Variants in TPD52L1 observed in about 807,000 individuals in gnomAD.
TPD52L1 encodes the protein tumor protein D53.
In TPD52L1, 18 loss-of-function variants were observed where a neutral mutation model predicts 28.7. That is an observed-to-expected ratio of 0.63 (90% CI 0.43 to 0.93). The LOEUF (loss-of-function observed/expected upper bound fraction) is 0.93, where lower values mean the gene tolerates loss of function less well. Among genes scored for constraint, TPD52L1 ranks in the 40% least tolerant of loss-of-function variants. The pLI, the probability that TPD52L1 is intolerant of heterozygous loss-of-function variation, is 0.00. For missense variants in TPD52L1, 203 were observed against 254.8 expected (o/e 0.80, Z 1.39); for synonymous variants, 75 against 88.8 (o/e 0.84, Z 0.88).
intron 1 of TPD52L1, among the ~76,000 whole-genome samples, chr6:125,202,670 C>T (rs1356425474): frequency 1.3e-5 from 2 of 151,702 alleles, no homozygotes; most frequent in African/African-American, 4.8e-5. Context: ...AATTTATTAC[C>T]CTGGAGTTTT....
intron 1 of TPD52L1, among the ~76,000 whole-genome samples, chr6:125,198,833 A>G (rs1037440644): frequency 1.3e-5 from 2 of 152,174 alleles, no homozygotes; most frequent in Non-Finnish European, 2.9e-5. Context: ...TACTACTCGT[A>G]TCTAGTTGGC....
intron 3 of TPD52L1, among the ~76,000 whole-genome samples, chr6:125,235,417 A>T (rs1244942688): frequency 6.6e-6 from 1 of 152,104 alleles, no homozygotes; most frequent in Non-Finnish European, 1.5e-5. Context: ...AAGAAAAAAA[A>T]GTTGCAAAAA....
At position 125,220,260 on chromosome 6, in the gene TPD52L1, A is replaced by G. The variant is rs1261663038; in HGVS notation, c.135+67A>G. ...TCTTAAGAGTTATTATTAGTTTGAT[A>G]TAATAATTGTAATGATGTTGTATTG... On this transcript the variant is annotated intron_variant, in intron 2 of 6. Coordinates refer to ENST00000534000, the MANE Select transcript of TPD52L1 (RefSeq NM_003287.4). 8 of 1,012,094 alleles carry G rather than the reference A, an allele frequency of 7.9e-6. No homozygotes were observed. In the East Asian group the frequency reaches 1.5e-4, roughly 18 times the overall value. The allele number at this position is 1,012,094 out of a possible 1,614,324, so 62.7% of individuals were successfully genotyped here.
At chr6:125,242,003 G>C (rs1796641038) in intron 3 of TPD52L1, among the ~76,000 whole-genome samples, 1 of 151,862 alleles carries the variant, frequency 6.6e-6, no homozygotes, top group Non-Finnish European at 1.5e-5. Context: ...TTGTATCCCA[G>C]AGGTTTTGAT....
At chr6:125,226,474 G>A (rs747713137) in intron 2 of TPD52L1, among the ~76,000 whole-genome samples, 14 of 151,966 alleles carry the variant, frequency 9.2e-5, no homozygotes, top group African/African-American at 1.5e-4. Context: ...CCCACCTCCA[G>A]ATAACAAATG....
In TPD52L1 at chr6:125,203,584, T is replaced by A. The variant is rs1793931036; in HGVS notation, c.20-16494T>A. On this transcript the variant is annotated intron_variant, in intron 1 of 6. Coordinates refer to ENST00000534000, the MANE Select transcript of TPD52L1 (RefSeq NM_003287.4). ...CTTCTCATTGAAAGTAGAGCTGTTG[T>A]TTGTCTGCATGGTTTTGAGTTTGGT... 13 of 980,854 alleles carry A rather than the reference T, an allele frequency of 1.3e-5. No individual in the cohort carries two copies. In the South Asian group the frequency reaches 1.9e-4, roughly 14 times the overall value. The allele number at this position is 980,854 out of a possible 1,614,324, so 60.8% of individuals were successfully genotyped here. A position where few individuals can be genotyped will look rare whatever the true frequency, so the allele number is the denominator to read the frequency against.
chr6:125,171,300 C>T (rs1045776010), intron 1 of TPD52L1, among the ~76,000 whole-genome samples: 2 of 152,072 alleles, frequency 1.3e-5, no homozygotes, highest in African/African-American at 2.4e-5. Flanking sequence ...GTGCATAAGG[C>T]GCCTATCAAT....
intron 1 of TPD52L1, among the ~76,000 whole-genome samples, chr6:125,189,696 C>T (rs537109394): frequency 1.3e-5 from 2 of 152,258 alleles, no homozygotes; most frequent in African/African-American, 4.8e-5. Context: ...CCTCTCTCTG[C>T]TTGGTACTTT....
Position 125,167,788 on chromosome 6 carries a change from C to T in TPD52L1, c.19+13818C>T, listed in dbSNP as rs1223663363. Among the ~76,000 whole-genome samples, 4 of 151,596 alleles carry T rather than the reference C, an allele frequency of 2.6e-5. No individual in the cohort carries two copies. In the South Asian group the frequency reaches 8.3e-4, roughly 32 times the overall value. On this transcript the variant is annotated intron_variant, in intron 1 of 6. Transcript: ENST00000534000. ...CCTTTACAGAAGTCATTGTGGCATC[C>T]ACAGGGTAGGAAAGCCCCATACTCA...
intron 1 of TPD52L1, among the ~76,000 whole-genome samples, chr6:125,198,955 G>C (rs62432195): frequency 1.3e-5 from 2 of 152,298 alleles, no homozygotes; most frequent in East Asian, 3.9e-4. Context: ...GAAATCCGGC[G>C]AAATGGTCAT....
At chr6:125,184,808 C>T (rs542904401) in intron 1 of TPD52L1, among the ~76,000 whole-genome samples, 2 of 150,774 alleles carry the variant, frequency 1.3e-5, no homozygotes, top group Admixed American at 1.3e-4. Flanking sequence ...AGAGGAGAAA[C>T]CAACAAAGTA....
chr6:125,238,591 T>C (rs1371909759), intron 3 of TPD52L1, among the ~76,000 whole-genome samples: 2 of 152,088 alleles, frequency 1.3e-5, no homozygotes. Context: ...CACTTAGAAA[T>C]GAGAACATAC....
intron 1 of TPD52L1, among the ~76,000 whole-genome samples, chr6:125,216,493 A>C (rs1794883254): frequency 6.8e-6 from 1 of 148,004 alleles, no homozygotes; most frequent in African/African-American, 2.5e-5. Context: ...TTGAATAAAT[A>C]AACCAAGTTT....
chr6:125,188,183 C>A (rs940729146), intron 1 of TPD52L1, among the ~76,000 whole-genome samples: 4 of 152,132 alleles, frequency 2.6e-5, no homozygotes, highest in African/African-American at 7.2e-5. Context: ...TTGGAAAAAA[C>A]CAGTGACTCA....
At chr6:125,199,777 C>T (rs1211286557) in intron 1 of TPD52L1, among the ~76,000 whole-genome samples, 2 of 152,126 alleles carry the variant, frequency 1.3e-5, no homozygotes, top group Non-Finnish European at 2.9e-5. Flanking sequence ...ACTTATAGCA[C>T]AAATTATAGG....
chr6:125,155,498 C>T (rs1476486576), intron 1 of TPD52L1, among the ~76,000 whole-genome samples: 2 of 152,228 alleles, frequency 1.3e-5, no homozygotes, highest in Non-Finnish European at 2.9e-5. Context: ...TGCTTTATTG[C>T]TTTGCTTTAC....
intron 1 of TPD52L1, among the ~76,000 whole-genome samples, chr6:125,158,029 C>T (rs1790251941): frequency 2.0e-5 from 3 of 152,140 alleles, no homozygotes; most frequent in Admixed American, 2.0e-4. Flanking sequence ...ATCTCTCTGT[C>T]TCCGTGGTTA....
intron 1 of TPD52L1, among the ~76,000 whole-genome samples, chr6:125,157,910 A>G (rs1052708753): frequency 6.6e-6 from 1 of 152,184 alleles, no homozygotes; most frequent in Non-Finnish European, 1.5e-5. Context: ...CTAGGCTGAA[A>G]TCAAGGTGTC....
chr6:125,255,385 C>CT (rs1797535685), intron 5 of TPD52L1, among the ~76,000 whole-genome samples: 1 of 152,178 alleles, frequency 6.6e-6, no homozygotes. Context: ...TAACTATATA[C>CT]TTTTTGAGTC....
Sources: allele counts gnomAD v4.1 joint callset (sites outside exome capture counted in the v4.1 genomes callset), GRCh38; gene constraint gnomAD v4.1.1; transcripts MANE v1.5; gene names NCBI Gene and HGNC (gene_info 2026-07-23, HGNC 2026-07-21).